Variants in LGSN observed in about 807,000 individuals in gnomAD.
LGSN encodes lengsin.
A neutral mutation model predicts 19.5 loss-of-function variants in LGSN; 21 were observed. That is an observed-to-expected ratio of 1.07 (90% confidence interval 0.76 to 1.55). The LOEUF is 1.55. Among genes scored for constraint, LGSN ranks in the 40% most tolerant of loss-of-function variants. The probability of loss-of-function intolerance (pLI) is 0.00; values close to 1 mark genes in which losing one functional copy is unlikely to be tolerated. For missense variants in LGSN, 673 were observed against 608.5 expected (o/e 1.11, Z -1.12); for synonymous variants, 257 against 215.6 (o/e 1.19, Z -1.68).
At chr6:63,327,477 A>G in the LGSN span, among the ~76,000 whole-genome samples, 2 of 152,192 alleles carry the variant, frequency 1.3e-5, no homozygotes, top group Non-Finnish European at 2.9e-5. Flanking sequence ...TGTAGAAACA[A>G]CACTCTTCCC....
At chr6:63,412,496 A>G in the LGSN span, among the ~76,000 whole-genome samples, 27 of 101,364 alleles carry the variant, frequency 2.7e-4, no homozygotes, top group South Asian at 2.6e-3. Flanking sequence ...GAAAGAAAGA[A>G]AGAAAGAAAG....
chr6:63,412,438 GAA>G, the LGSN span, among the ~76,000 whole-genome samples: 13 of 129,018 alleles, frequency 1.0e-4, no homozygotes, highest in African/African-American at 4.4e-4. Flanking sequence ...AAGAAAGAAA[GAA>G]AGCAAGAAAG....
the LGSN span, among the ~76,000 whole-genome samples, chr6:63,359,918 A>T: frequency 3.3e-5 from 5 of 152,208 alleles, no homozygotes; most frequent in East Asian, 5.8e-4. Context: ...TCCTTCACTT[A>T]TGAAGCTTAC....
intron 1 of LGSN, among the ~76,000 whole-genome samples, chr6:63,306,756 G>A (rs1723520): frequency 3.9e-5 from 6 of 152,210 alleles, no homozygotes; most frequent in African/African-American, 1.4e-4. Context: ...GTAGTTGATA[G>A]CCCTTCCCAG....
rs183241016 is a variant in LGSN at position 63,313,761 on chromosome 6, G to A, written c.30+6153C>T. Among the ~76,000 whole-genome samples the A allele has an allele frequency of 3.2e-4, 49 of 152,080 alleles. 1 individual carries two copies. Among genetic ancestry groups the A allele is most frequent in the South Asian group, 1.7e-3 (8 of 4,816 alleles). On this transcript the variant is annotated intron_variant, in intron 1 of 3. Coordinates refer to ENST00000370657, the MANE Select transcript of LGSN (RefSeq NM_016571.3). ...TGAGGCACAAGAATCACTTGAATCC[G>A]GGAGGTGGAGGTTGCAGTGAGCCAA...
At chr6:63,327,410 C>T in the LGSN span, among the ~76,000 whole-genome samples, 115 of 152,272 alleles carry the variant, frequency 7.6e-4, no homozygotes, top group African/African-American at 2.0e-3. Flanking sequence ...TGTCTGATTT[C>T]GGAAGCCTTT....
At chr6:63,357,126 C>G in the LGSN span, among the ~76,000 whole-genome samples, 8 of 152,136 alleles carry the variant, frequency 5.3e-5, no homozygotes, top group Non-Finnish European at 1.0e-4. Context: ...ATGCTGGTTT[C>G]CAGCTTCATC....
At chr6:63,512,185 C>A in the LGSN span, among the ~76,000 whole-genome samples, 1 of 151,776 alleles carries the variant, frequency 6.6e-6, no homozygotes, top group Admixed American at 6.6e-5. Context: ...TGGGTTCAAG[C>A]GATTCTCCTG....
At chr6:63,456,513 C>G in the LGSN span, among the ~76,000 whole-genome samples, 2 of 150,936 alleles carry the variant, frequency 1.3e-5, 1 homozygote, top group Admixed American at 1.3e-4. Flanking sequence ...CATGAGCCAC[C>G]ACACAAACGA....
At chr6:63,330,759 T>C in the LGSN span, among the ~76,000 whole-genome samples, 3 of 152,358 alleles carry the variant, frequency 2.0e-5, no homozygotes, top group African/African-American at 4.8e-5. Flanking sequence ...AGGGAATTTG[T>C]CCCTTTCTTC....
chr6:63,366,041 C>A, the LGSN span, among the ~76,000 whole-genome samples: 2 of 152,108 alleles, frequency 1.3e-5, no homozygotes, highest in Non-Finnish European at 2.9e-5. Flanking sequence ...GACAGGGATG[C>A]CCTCTCTCAC....
At chr6:63,559,829 T>TCA in the LGSN span, among the ~76,000 whole-genome samples, 1 of 151,952 alleles carries the variant, frequency 6.6e-6, no homozygotes, top group Non-Finnish European at 1.5e-5. Context: ...CTGAGGCAGG[T>TCA]TTGCCCAGGC....
chr6:63,285,561 T>A (rs778918982), intron 3 of LGSN, 26 bp downstream of exon 3: 3 of 1,569,926 alleles, frequency 1.9e-6, no homozygotes, highest in Non-Finnish European at 1.7e-6. Flanking sequence ...TGAAATTACA[T>A]TTAGTCACAA....
At chr6:63,324,628 C>T (rs184422775), upstream of LGSN, among the ~76,000 whole-genome samples, 24 of 152,108 alleles carry the variant, frequency 1.6e-4, no homozygotes, top group African/African-American at 3.6e-4. Context: ...GGAAACTCTA[C>T]AAATACATGC....
the LGSN span, chr6:63,548,683 G>T: frequency 2.0e-6 from 1 of 503,456 alleles, no homozygotes; most frequent in Non-Finnish European, 3.6e-6. Context: ...TTATTTTTAT[G>T]TACAGAAAAC....
chr6:63,554,844 T>G, the LGSN span, among the ~76,000 whole-genome samples: 1 of 152,298 alleles, frequency 6.6e-6, no homozygotes, highest in Non-Finnish European at 1.5e-5. Flanking sequence ...GGGTCACTTT[T>G]GGGGACAATC....
chr6:63,441,153 G>A, the LGSN span: 1 of 197,536 alleles, frequency 5.1e-6, no homozygotes, highest in Non-Finnish European at 1.0e-5. Flanking sequence ...AGGTTGCAGT[G>A]AGCCGAGATT....
At chr6:63,324,140 G>A (rs78211067), upstream of LGSN, among the ~76,000 whole-genome samples, 923 of 152,204 alleles carry the variant, frequency 6.1e-3, 6 homozygotes, top group African/African-American at 0.02. Flanking sequence ...ACTAATGCTA[G>A]ATGAGAATGA....
chr6:63,454,425 A>G, the LGSN span, among the ~76,000 whole-genome samples: 15 of 151,564 alleles, frequency 9.9e-5, no homozygotes, highest in African/African-American at 3.2e-4. Flanking sequence ...TCGTTAACAG[A>G]TAAGAGGCTT....
Sources: gnomAD v4.1 joint callset for allele counts (sites outside exome capture counted in the v4.1 genomes callset) on GRCh38, gnomAD v4.1.1 for gene constraint, MANE v1.5 for transcripts, NCBI Gene and HGNC (gene_info 2026-07-23, HGNC 2026-07-21) for gene names.